Variants in PAPLN observed in about 807,000 individuals in gnomAD.
PAPLN encodes the protein papilin, proteoglycan like sulfated glycoprotein.
PAPLN carries 146 observed loss-of-function variants against 159.0 expected under a neutral mutation model. That is an observed-to-expected ratio of 0.92 (90% CI 0.80 to 1.05). The LOEUF (loss-of-function observed/expected upper bound fraction) is 1.05, where lower values mean the gene tolerates loss of function less well. Among genes scored for constraint, PAPLN ranks in the 50% least tolerant of loss-of-function variants. The pLI is 0.00. For synonymous variants in PAPLN, 734 were observed against 702.9 expected (o/e 1.04, Z -0.70); for missense variants, 1,720 against 1,743.9 (o/e 0.99, Z 0.24).
chr14:73,240,048 G>A (rs1025229875), intron 2 of PAPLN, among the ~76,000 whole-genome samples: 1 of 152,240 alleles, frequency 6.6e-6, no homozygotes, highest in African/African-American at 2.4e-5. Flanking sequence ...GCTGCAGGGC[G>A]CAGTGTGTAG....
intron 22 of PAPLN, 110 bp downstream of exon 22, chr14:73,264,836 G>C (rs1887055827): frequency 3.9e-6 from 6 of 1,530,166 alleles, no homozygotes; most frequent in African/African-American, 2.8e-5. Flanking sequence ...GCCAGCCCCT[G>C]CTCAGGGCTC....
chr14:73,250,050 C>T lies in PAPLN; in HGVS notation c.401C>T (p.Ala134Val). The T allele has an allele frequency of 6.2e-7, 1 of 1,613,432 alleles. No individual in the cohort carries two copies. The highest frequency in any genetic ancestry group is 8.5e-7 in the Non-Finnish European group (1 of 1,179,736). Residue 134 changes from alanine to valine, a missense_variant, in exon 6 of 27, where the codon GCT becomes GTT. Ala to Val is a moderately conservative substitution (Grantham distance 64). Transcript: ENST00000644200. ...GENFYYKHRE[A>V]VVDGTPCEPG... ...AACTTCTACTACAAGCACAGGGAGG[C>T]TGTGGTTGATGGGACGCCCTGCGAG...
chr14:73,254,049 A>G (rs748492529), intron 12 of PAPLN, 88 bp downstream of exon 12: 13 of 1,376,124 alleles, frequency 9.4e-6, no homozygotes, highest in African/African-American at 2.9e-5. Context: ...GTGGAAACCG[A>G]GGTCCTGGGA....
rs773225018 is a variant in PAPLN at position 73,253,274 on chromosome 14, A to G, written c.1095-480A>G. On this transcript the variant is annotated intron_variant, in intron 11 of 26. Transcript: ENST00000644200. ...CCCGCAGGGCTGGTGCCACCCTGTC[A>G]CCGCTTGGCCTTGGTGGCAGCGGGC... The G allele has an allele frequency of 2.2e-6, 3 of 1,348,376 alleles. No individual in the cohort carries two copies. In the South Asian group the frequency reaches 3.4e-5, roughly 15 times the overall value. 83.5% of individuals were successfully genotyped at this position (1,348,376 alleles called of 1,614,324 possible).
At chr14:73,250,427 G>A (rs574269948) in intron 6 of PAPLN, among the ~76,000 whole-genome samples, 71 of 152,318 alleles carry the variant, frequency 4.7e-4, no homozygotes, top group African/African-American at 1.4e-3. Context: ...GGTGCCACTC[G>A]GCTTTCCTCT....
intron 14 of PAPLN, among the ~76,000 whole-genome samples, chr14:73,257,033 A>G (rs760177046): frequency 2.6e-5 from 4 of 152,162 alleles, no homozygotes; most frequent in East Asian, 1.9e-4. Context: ...GTGCAATGGT[A>G]CAATTATAGA....
chr14:73,264,797 G>A (rs539979572), intron 22 of PAPLN, 71 bp downstream of exon 22: 14 of 1,597,014 alleles, frequency 8.8e-6, no homozygotes, highest in East Asian at 2.2e-5. Flanking sequence ...AGTGGATAAG[G>A]AGGGGAACGT....
At chr14:73,236,655 A>T (rs970273867), upstream of PAPLN, among the ~76,000 whole-genome samples, 1 of 152,234 alleles carries the variant, frequency 6.6e-6, no homozygotes, top group Non-Finnish European at 1.5e-5. Flanking sequence ...TGTCTCTACT[A>T]AAAATACAAA....
At position 73,268,603 on chromosome 14, in the gene PAPLN, C is replaced by T; in HGVS notation, c.3547C>T (p.Pro1183Ser). The T allele has an allele frequency of 6.2e-7, 1 of 1,613,970 alleles. No individual in the cohort carries two copies. The highest frequency in any genetic ancestry group is 8.5e-7 in the Non-Finnish European group (1 of 1,179,904). ...TGATGGCCACCGTGTCCACCAGTCC[C>T]CAGATGGCACGCTGCTCATTTACAA... The part of the protein sequence containing the change: ...QADGHRVHQS[P>S]DGTLLIYNLR... The change falls in exon 26 of 27, where the codon CCA becomes TCA. Residue 1183 changes from proline to serine, a missense_variant. By Grantham distance (74) the Pro-to-Ser change is moderately conservative. Coordinates refer to ENST00000644200, the MANE Select transcript of PAPLN (RefSeq NM_001365906.3).
Position 73,262,439 on chromosome 14 carries a change from T to G in PAPLN, c.2335T>G (p.Cys779Gly), listed in dbSNP as rs760598006. The change falls in exon 19 of 27, where the codon TGT becomes GGT. Residue 779 changes from cysteine (C) to glycine (G), a missense_variant. Transcript: ENST00000644200. ...GTACTTCGTTGCCTCTGTGGGCCAA[T>G]GTAACCGCTTCTGGTATGGCGGCTG... The part of the protein sequence containing the change: ...RWYFVASVGQ[C>G]NRFWYGGCHG... 3 of 1,613,834 alleles carry G rather than the reference T, an allele frequency of 1.9e-6. No individual in the cohort carries two copies. The highest frequency in any genetic ancestry group is 1.7e-4 in the Middle Eastern group (1 of 6,060).
upstream of PAPLN, among the ~76,000 whole-genome samples, chr14:73,236,901 G>A (rs1453115611): frequency 2.9e-5 from 4 of 139,164 alleles, no homozygotes; most frequent in Admixed American, 2.9e-4. Flanking sequence ...TAGAAAGAAA[G>A]AAAAGAGGAA....
rs1184507905 is a variant in PAPLN at position 73,259,367 on chromosome 14, C to A, written c.1807C>A (p.Leu603Met). The A allele has an allele frequency of 6.2e-7, 1 of 1,612,288 alleles. No homozygotes were observed. The highest frequency in any genetic ancestry group is 1.7e-5 in the Admixed American group (1 of 59,776). Residue 603 changes from leucine to methionine, a missense_variant, in exon 16 of 27, where the codon CTG becomes ATG. Coordinates refer to ENST00000644200, the MANE Select transcript of PAPLN (RefSeq NM_001365906.3). ...CCCCAGGGGCGACCAAGGCACCCAC[C>A]TGTCAGCCCTGGGCCCCGCTCCCTC... ...GDPRGDQGTH[L>M]SALGPAPSLQ...
chr14:73,249,827 G>A (rs1594792288), intron 5 of PAPLN, 157 bp from the exon 6 acceptor site: 1 of 697,748 alleles, frequency 1.4e-6, no homozygotes, highest in Non-Finnish European at 2.1e-6. Flanking sequence ...CATGGAGACG[G>A]TCCCTTCTCC....
intron 19 of PAPLN, 159 bp from the exon 20 acceptor site, chr14:73,263,486 A>G (rs1886811778): frequency 2.7e-5 from 24 of 883,250 alleles, no homozygotes; most frequent in Non-Finnish European, 4.1e-5. Context: ...TCCTGAATCC[A>G]TGGGCTTCTG....
intron 5 of PAPLN, among the ~76,000 whole-genome samples, chr14:73,248,923 G>A (rs1884913675): frequency 6.6e-6 from 1 of 152,216 alleles, no homozygotes; most frequent in African/African-American, 2.4e-5. Context: ...TTGAGCCCAG[G>A]AGTTTGAAAC....
intron 9 of PAPLN, 72 bp downstream of exon 9, chr14:73,251,908 A>T (rs139391346): frequency 2.5e-5 from 39 of 1,548,826 alleles, no homozygotes; most frequent in Non-Finnish European, 3.0e-5. Context: ...AGCTCTGTAC[A>T]TGGGGGGTTG....
rs1017710007 is a variant in PAPLN at position 73,245,402 on chromosome 14, C to G, written c.171-234C>G. The G allele has an allele frequency of 3.6e-6, 2 of 555,410 alleles. No individual in the cohort carries two copies. The highest frequency in any genetic ancestry group is 3.8e-5 in the African/African-American group (2 of 52,534). The allele number at this position is 555,410 out of a possible 1,614,324, so 34.4% of individuals were successfully genotyped here. ...TGCCTAAGATGCAGTGGAGTGGTCC[C>G]GCCTTAAATCCAAACTATAGGGTGG... On this transcript the variant is annotated intron_variant, in intron 3 of 26. Transcript: ENST00000644200. This position sits in a 1 kb window ranked among gnomAD's most constrained non-coding sequence, Gnocchi z 4.2.
chr14:73,253,860 G>A lies in PAPLN; in HGVS notation c.1201G>A (p.Val401Met), dbSNP rs892962722. ...TGACGGGGCCGGCATCCAGGAGGCC[G>A]TGGAGGAGGCTGAGTGTGCCGGGCT... ...SSDGAGIQEAVEEAECAGLPG... is the reference protein window; with the variant it reads ...SSDGAGIQEAMEEAECAGLPG... The change falls in exon 12 of 27, where the codon GTG becomes ATG. Residue 401 changes from valine to methionine, a missense_variant. Coordinates refer to ENST00000644200, the MANE Select transcript of PAPLN (RefSeq NM_001365906.3). 1.2e-5 allele frequency: 20 copies of A among 1,613,476 alleles called. No homozygotes were observed. Among genetic ancestry groups the A allele is most frequent in the Admixed American group, 1.7e-5 (1 of 60,004 alleles).
chr14:73,251,832 T>C lies in PAPLN; in HGVS notation c.839T>C (p.Ile280Thr), dbSNP rs747469079. The C allele has an allele frequency of 9.6e-5, 153 of 1,594,018 alleles. 1 individual carries two copies. Among genetic ancestry groups the C allele is most frequent in the Non-Finnish European group, 1.1e-4 (134 of 1,173,146 alleles). Reference protein sequence around the residue: ...ARGPTSEPLVIELISQEPNPG... With the variant: ...ARGPTSEPLVTELISQEPNPG... ...GGCCCCACCTCGGAGCCCCTGGTCA[T>C]CGAGGTAAATGGGGGTGTGGGGAGA... Residue 280 changes from isoleucine (I) to threonine (T), a missense_variant, in exon 9 of 27, where the codon ATC (isoleucine) becomes ACC (threonine). Transcript: ENST00000644200.
Sources: gnomAD v4.1 joint callset for allele counts (sites outside exome capture counted in the v4.1 genomes callset) on GRCh38, gnomAD v4.1.1 for gene constraint, Gnocchi (gnomAD v3.1) non-coding constraint, MANE v1.5 for transcripts, NCBI Gene and HGNC (gene_info 2026-07-23, HGNC 2026-07-21) for gene names.